KLHL32: variants seen among roughly 807,000 people sequenced by gnomAD.
The protein encoded by KLHL32 is kelch like family member 32, also known as kelch-like protein 32.
In KLHL32, 35 loss-of-function variants were observed where a neutral mutation model predicts 64.8. That is an observed-to-expected ratio of 0.54 (90% CI 0.41 to 0.72). The LOEUF (loss-of-function observed/expected upper bound fraction) is 0.72. Ranked by LOEUF, KLHL32 falls within the 30% of genes least tolerant of loss-of-function variation. The pLI is 0.00. For missense variants in KLHL32, 589 were observed against 768.5 expected (o/e 0.77, Z 2.76); for synonymous variants, 259 against 281.0 (o/e 0.92, Z 0.78).
chr6:96,976,364 G>C (rs1451975041), intron 3 of KLHL32, among the ~76,000 whole-genome samples, 187 bp downstream of exon 3: 1 of 152,034 alleles, frequency 6.6e-6, no homozygotes, highest in Non-Finnish European at 1.5e-5. Flanking sequence ...AGGGCACCTG[G>C]ATGTCCCTCC....
At chr6:97,117,683 T>C (rs1313953267) in intron 7 of KLHL32, among the ~76,000 whole-genome samples, 1 of 152,226 alleles carries the variant, frequency 6.6e-6, no homozygotes, top group African/African-American at 2.4e-5. Context: ...ATTTGAAAAT[T>C]GCAGTATCAA....
chr6:97,087,799 T>C (rs1793653009), intron 6 of KLHL32, among the ~76,000 whole-genome samples: 1 of 152,232 alleles, frequency 6.6e-6, no homozygotes, highest in African/African-American at 2.4e-5. Flanking sequence ...CCAGATTTCA[T>C]GCAGTCTGGC....
At chr6:96,915,950 A>T in the KLHL32 span, among the ~76,000 whole-genome samples, 1 of 152,224 alleles carries the variant, frequency 6.6e-6, no homozygotes, top group African/African-American at 2.4e-5. Flanking sequence ...AAAGAGATCA[A>T]CCATTATCAT....
chr6:96,913,238 T>G, the KLHL32 span, among the ~76,000 whole-genome samples: 1 of 152,218 alleles, frequency 6.6e-6, no homozygotes, highest in African/African-American at 2.4e-5. Flanking sequence ...ACTAATAAAC[T>G]GAATTCTGCA....
intron 3 of KLHL32, among the ~76,000 whole-genome samples, chr6:96,995,776 C>T (rs117603278): frequency 6.6e-6 from 1 of 152,294 alleles, no homozygotes; most frequent in Non-Finnish European, 1.5e-5. Flanking sequence ...CTATCCTGAT[C>T]ACCCTCTGCC....
intron 1 of KLHL32, among the ~76,000 whole-genome samples, chr6:96,937,389 A>G (rs1328758584): frequency 6.6e-6 from 1 of 152,146 alleles, no homozygotes; most frequent in Non-Finnish European, 1.5e-5. Context: ...GGATATTACC[A>G]TATTTCTTGT....
chr6:97,065,740 T>C (rs995815719), intron 5 of KLHL32, among the ~76,000 whole-genome samples: 1 of 152,248 alleles, frequency 6.6e-6, no homozygotes, highest in African/African-American at 2.4e-5. Flanking sequence ...TTTAAATCAC[T>C]TTCTGTAATT....
chr6:97,014,846 G>A (rs537325280), intron 3 of KLHL32, among the ~76,000 whole-genome samples: 2 of 152,290 alleles, frequency 1.3e-5, no homozygotes, highest in African/African-American at 4.8e-5. Flanking sequence ...CTTAGTATGA[G>A]AGCAAAGGTT....
intron 1 of KLHL32, among the ~76,000 whole-genome samples, chr6:96,960,980 C>T (rs995600834): frequency 1.1e-4 from 16 of 151,832 alleles, no homozygotes; most frequent in Non-Finnish European, 1.5e-4. Flanking sequence ...GTAGAGGCTT[C>T]GGAAAGAATA....
At chr6:97,133,080 C>G (rs1799618807) in intron 10 of KLHL32, among the ~76,000 whole-genome samples, 3 of 152,182 alleles carry the variant, frequency 2.0e-5, no homozygotes, top group Non-Finnish European at 4.4e-5. Context: ...ATCCCCCAAG[C>G]TTTACAAATA....
chr6:96,960,975 G>A (rs1200524757), intron 1 of KLHL32, among the ~76,000 whole-genome samples: 1 of 152,154 alleles, frequency 6.6e-6, no homozygotes, highest in Non-Finnish European at 1.5e-5. Flanking sequence ...CCCAGGTAGA[G>A]GCTTCGGAAA....
intron 1 of KLHL32, among the ~76,000 whole-genome samples, chr6:96,940,274 T>C (rs540597638): frequency 2.6e-4 from 39 of 152,050 alleles, no homozygotes; most frequent in Non-Finnish European, 5.4e-4. Flanking sequence ...GAGATTGAAA[T>C]TGCCTAGGGA....
the KLHL32 span, among the ~76,000 whole-genome samples, chr6:96,909,723 A>G: frequency 2.0e-4 from 30 of 152,350 alleles, no homozygotes; most frequent in African/African-American, 6.0e-4. Flanking sequence ...CCAACATTTG[A>G]GAGCTAACCA....
chr6:96,964,443 G>A (rs975859423), intron 1 of KLHL32, among the ~76,000 whole-genome samples: 1 of 152,216 alleles, frequency 6.6e-6, no homozygotes, highest in South Asian at 2.1e-4. Flanking sequence ...CACAAGGTCA[G>A]GAGATCGAGA....
chr6:96,934,360 C>T (rs564490701), intron 1 of KLHL32, among the ~76,000 whole-genome samples: 21 of 152,308 alleles, frequency 1.4e-4, no homozygotes, highest in African/African-American at 4.6e-4. Context: ...GTGCAGTGAG[C>T]TGCTCACACT....
intron 3 of KLHL32, among the ~76,000 whole-genome samples, chr6:97,004,580 G>A (rs1438655412): frequency 3.3e-5 from 5 of 152,164 alleles, no homozygotes; most frequent in Non-Finnish European, 5.9e-5. Context: ...TGCTTCCAGC[G>A]TTTGCCTATT....
At chr6:97,047,870 C>T (rs887456749) in intron 4 of KLHL32, among the ~76,000 whole-genome samples, 1 of 152,162 alleles carries the variant, frequency 6.6e-6, no homozygotes, top group Non-Finnish European at 1.5e-5. Flanking sequence ...GAAAGTAGAA[C>T]TTCCAGCACC....
chr6:97,067,930 G>C (rs999624921), intron 5 of KLHL32, among the ~76,000 whole-genome samples: 1 of 152,084 alleles, frequency 6.6e-6, no homozygotes, highest in African/African-American at 2.4e-5. Context: ...TTCATTGGTA[G>C]ATATCCTCAG....
chr6:96,963,926 T>C (rs1774147570), intron 1 of KLHL32, among the ~76,000 whole-genome samples: 1 of 152,214 alleles, frequency 6.6e-6, no homozygotes, highest in South Asian at 2.1e-4. Flanking sequence ...AGATTGTAGA[T>C]GATCACAGTT....
Sources: gnomAD v4.1 joint callset for allele counts (sites outside exome capture counted in the v4.1 genomes callset) on GRCh38, gnomAD v4.1.1 for gene constraint, MANE v1.5 for transcripts, NCBI Gene and HGNC (gene_info 2026-07-23, HGNC 2026-07-21) for gene names.